The following PECAM1 variants were observed in gnomAD, a reference collection of about 807,000 sequenced individuals.
PECAM1 encodes the protein platelet and endothelial cell adhesion molecule 1, also known as platelet endothelial cell adhesion molecule.
A neutral mutation model predicts 13.8 loss-of-function variants in PECAM1; 8 were observed. The observed-to-expected ratio is 0.58, with a 90% CI of 0.34 to 1.05. The LOEUF (loss-of-function observed/expected upper bound fraction) is 1.05, where lower values mean the gene tolerates loss of function less well. Ranked by LOEUF, PECAM1 falls within the 50% of genes least tolerant of loss-of-function variation. The pLI, the probability that PECAM1 is intolerant of heterozygous loss-of-function variation, is 0.03. For synonymous variants in PECAM1, 136 were observed against 52.6 expected, an observed-to-expected ratio of 2.58 and a Z score of -6.86; for missense variants, 304 against 141.2, an observed-to-expected ratio of 2.15 and a Z score of -5.84.
chr17:64,383,928 T>G (rs1159493151), intron 2 of PECAM1, among the ~76,000 whole-genome samples: 1 of 152,080 alleles, frequency 6.6e-6, no homozygotes, highest in African/African-American at 2.4e-5. Flanking sequence ...GGTCAAGAGT[T>G]CGAGACCCGC....
At position 64,370,045 on chromosome 17, in the gene PECAM1, C is replaced by T. The variant is rs956217651; in HGVS notation, c.692-20G>A. ...AGGATTCTGCAAGAGAGGAAGACAA[C>T]CTGGTTGGACTCAGGTGCAAACCTG... On this transcript the variant is annotated intron_variant, in intron 4 of 15. Transcript: ENST00000563924. The T allele has an allele frequency of 1.0e-5, 4 of 398,508 alleles. No homozygotes were observed. The highest frequency in any genetic ancestry group is 1.8e-5 in the Non-Finnish European group (4 of 226,094). 24.7% of individuals were successfully genotyped at this position (398,508 alleles called of 1,614,324 possible). A position where few individuals can be genotyped will look rare whatever the true frequency, so the allele number is the denominator to read the frequency against.
intron 4 of PECAM1, among the ~76,000 whole-genome samples, chr17:64,371,047 C>T (rs2036226966): frequency 6.6e-6 from 1 of 152,186 alleles, no homozygotes; most frequent in Non-Finnish European, 1.5e-5. Context: ...TTTAGGTCTT[C>T]TGGGGAACCT....
chr17:64,388,410 A>G (rs1183809230), intron 2 of PECAM1, among the ~76,000 whole-genome samples: 1 of 152,086 alleles, frequency 6.6e-6, no homozygotes, highest in East Asian at 1.9e-4. Flanking sequence ...TCATTTATCA[A>G]TCACCTCGAG....
chr17:64,384,196 A>G (rs954783487), intron 2 of PECAM1, among the ~76,000 whole-genome samples: 4 of 152,202 alleles, frequency 2.6e-5, no homozygotes, highest in South Asian at 2.1e-4. Flanking sequence ...CCACATTCCC[A>G]TGGCTAGCTC....
Position 64,359,041 on chromosome 17 carries a change from G to A in PECAM1, c.1492+1099C>T, listed in dbSNP as rs952664352. On this transcript the variant is annotated intron_variant, in intron 7 of 15. Coordinates refer to ENST00000563924, the MANE Select transcript of PECAM1 (RefSeq NM_000442.5). ...TCGAATTCCTGACCTCAGGTGATCC[G>A]CCCACCTCAGCTTCCCAAAGCGCTA... is the stretch of plus-strand genomic sequence containing the variant. Among the ~76,000 whole-genome samples, 21 of 151,872 alleles carry A rather than the reference G, an allele frequency of 1.4e-4. 1 individual carries two copies. Among genetic ancestry groups the A allele is most frequent in the African/African-American group, 4.6e-4 (19 of 41,312 alleles).
intron 14 of PECAM1, among the ~76,000 whole-genome samples, chr17:64,337,937 T>C (rs1464469821): frequency 4.0e-5 from 6 of 151,754 alleles, no homozygotes; most frequent in African/African-American, 1.5e-4. Context: ...TGAGGCAGAT[T>C]AACAAGAGAA....
intron 6 of PECAM1, among the ~76,000 whole-genome samples, chr17:64,360,848 T>TGTGTTC (rs2035958525): frequency 8.1e-5 from 8 of 98,884 alleles, no homozygotes; most frequent in Non-Finnish European, 1.7e-4. Flanking sequence ...GTGTGTGTAT[T>TGTGTTC]TGAGACAGGG....
chr17:64,347,406 C>T (rs1390303805), intron 13 of PECAM1, among the ~76,000 whole-genome samples: 1 of 150,622 alleles, frequency 6.6e-6, no homozygotes, highest in Non-Finnish European at 1.5e-5. Flanking sequence ...CGGTGCATGC[C>T]TGTAATCCCA....
Position 64,323,111 on chromosome 17 carries a change from TCAG to T in PECAM1, c.*702_*704del, listed in dbSNP as rs1177584211. 8.1e-6 allele frequency: 8 copies of T among 985,192 alleles called. No individual in the cohort carries two copies. In the African/African-American group the frequency reaches 1.4e-4, roughly 17 times the overall value. 61.0% of individuals were successfully genotyped at this position (985,192 alleles called of 1,614,324 possible). On this transcript the variant is annotated 3_prime_UTR_variant, in exon 16 of 16. Transcript: ENST00000563924. ...GCACCATCTTCCTGTCTTTCAGCCT[TCAG>T]CATGGTAGAGGAAAAGAGAAAGAGT...
chr17:64,334,503 C>A (rs1000812020), intron 14 of PECAM1, among the ~76,000 whole-genome samples: 1 of 152,064 alleles, frequency 6.6e-6, no homozygotes, highest in Non-Finnish European at 1.5e-5. Flanking sequence ...ACCTACCCCA[C>A]ACTGGGCCCC....
intron 14 of PECAM1, among the ~76,000 whole-genome samples, chr17:64,333,794 C>G (rs2035191836): frequency 6.6e-6 from 1 of 151,554 alleles, no homozygotes; most frequent in African/African-American, 2.4e-5. Flanking sequence ...CCCATCTCTA[C>G]TAAAATATAA....
At chr17:64,387,020 AG>A (rs1203307724) in intron 2 of PECAM1, among the ~76,000 whole-genome samples, 2 of 152,178 alleles carry the variant, frequency 1.3e-5, no homozygotes, top group African/African-American at 4.8e-5. Flanking sequence ...AGGAGCCCGC[AG>A]AGACCAGGAC....
chr17:64,323,254 G>T lies in PECAM1; in HGVS notation c.*562C>A. 1 of 993,124 alleles carries T rather than the reference G, an allele frequency of 1.0e-6. No individual in the cohort carries two copies. Among genetic ancestry groups the T allele is most frequent in the South Asian group, 4.5e-5 (1 of 22,158 alleles). 61.5% of individuals were successfully genotyped at this position (993,124 alleles called of 1,614,324 possible). ...GGTATTTCACAGGCGGTGCTCCCAA[G>T]TAGTCTGGTTTTCCCATTTGTGGAG... On this transcript the variant is annotated 3_prime_UTR_variant, in exon 16 of 16. Coordinates refer to ENST00000563924, the MANE Select transcript of PECAM1 (RefSeq NM_000442.5).
At chr17:64,355,975 G>A (rs921868012) in intron 8 of PECAM1, 136 bp downstream of exon 8, 8 of 440,264 alleles carry the variant, frequency 1.8e-5, no homozygotes, top group Middle Eastern at 6.2e-4. Flanking sequence ...GCAACCAAGA[G>A]CCTGGAGGAC....
At chr17:64,376,180 C>G (rs2036354087) in intron 3 of PECAM1, among the ~76,000 whole-genome samples, 1 of 151,490 alleles carries the variant, frequency 6.6e-6, no homozygotes, top group Non-Finnish European at 1.5e-5. Context: ...TGGCAGGCAC[C>G]TGTAATCCCA....
At chr17:64,347,877 T>A (rs947661020) in intron 13 of PECAM1, among the ~76,000 whole-genome samples, 1 of 151,142 alleles carries the variant, frequency 6.6e-6, no homozygotes, top group Non-Finnish European at 1.5e-5. Context: ...ATTACAGGTG[T>A]GCGCCACCAG....
chr17:64,325,260 T>C (rs1173587326), intron 15 of PECAM1, among the ~76,000 whole-genome samples: 4 of 152,028 alleles, frequency 2.6e-5, no homozygotes, highest in East Asian at 3.9e-4. Context: ...TGGTGGCGTG[T>C]GCCTGTAGTC....
intron 2 of PECAM1, among the ~76,000 whole-genome samples, chr17:64,387,960 T>C (rs1375290135): frequency 6.6e-6 from 1 of 152,164 alleles, no homozygotes; most frequent in African/African-American, 2.4e-5. Context: ...GGAGACCTGG[T>C]TCCAGCCGCC....
rs1046807174 is a variant in PECAM1 at position 64,349,952 on chromosome 17, C to A, written c.2044+428G>T. On this transcript the variant is annotated intron_variant, in intron 12 of 15. Coordinates refer to ENST00000563924, the MANE Select transcript of PECAM1 (RefSeq NM_000442.5). Reference sequence around the variant, plus strand: ...CAGAATCCTTTCTCTTTGTTAGGAGCCTTAGCTCCCATGGCAGCAGCCCAG... The same window carrying A: ...CAGAATCCTTTCTCTTTGTTAGGAGACTTAGCTCCCATGGCAGCAGCCCAG... Among the ~76,000 whole-genome samples, 3 of 152,150 alleles carry A rather than the reference C, an allele frequency of 2.0e-5. 1 individual carries two copies. Among genetic ancestry groups the A allele is most frequent in the South Asian group, 4.1e-4 (2 of 4,830 alleles).
Sources: gnomAD v4.1 joint callset for allele counts (sites outside exome capture counted in the v4.1 genomes callset) on GRCh38, gnomAD v4.1.1 for gene constraint, MANE v1.5 for transcripts, NCBI Gene and HGNC (gene_info 2026-07-23, HGNC 2026-07-21) for gene names.